The following TMEM135 variants were observed in gnomAD, a reference collection of about 807,000 sequenced individuals.
The protein encoded by TMEM135 is transmembrane protein 135, also known as peroxisomal membrane protein 52.
In TMEM135, 30 loss-of-function variants were observed where a neutral mutation model predicts 60.3. That is an observed-to-expected ratio of 0.50 (90% CI 0.37 to 0.68). The LOEUF (loss-of-function observed/expected upper bound fraction) is 0.68. TMEM135 is among the 30% of genes least tolerant of loss of function. TMEM135 has a pLI of 0.00. For missense variants in TMEM135, 468 were observed against 548.8 expected (o/e 0.85, Z 1.47); for synonymous variants, 190 against 186.7 (o/e 1.02, Z -0.14).
At chr11:87,128,836 A>T (rs533730622) in intron 4 of TMEM135, among the ~76,000 whole-genome samples, 1 of 152,300 alleles carries the variant, frequency 6.6e-6, no homozygotes, top group South Asian at 2.1e-4. Context: ...ATGAAAACTC[A>T]ATTCAACTCG....
intron 2 of TMEM135, among the ~76,000 whole-genome samples, chr11:87,070,706 T>C (rs1856759611): frequency 1.3e-5 from 2 of 152,158 alleles, no homozygotes; most frequent in Admixed American, 1.3e-4. Context: ...TTGTCATTTG[T>C]CATTTATGAG....
intron 5 of TMEM135, among the ~76,000 whole-genome samples, chr11:87,227,007 C>A (rs1432991340): frequency 6.6e-6 from 1 of 151,976 alleles, no homozygotes; most frequent in East Asian, 1.9e-4. Flanking sequence ...TGAGATTGCC[C>A]CAGTGTACTC....
At chr11:87,124,968 A>G (rs1330079587) in intron 4 of TMEM135, among the ~76,000 whole-genome samples, 1 of 152,132 alleles carries the variant, frequency 6.6e-6, no homozygotes, top group African/African-American at 2.4e-5. Flanking sequence ...TTTAGTTGCT[A>G]CTTCTCTTAC....
At chr11:87,186,866 A>G (rs1490978223) in intron 5 of TMEM135, among the ~76,000 whole-genome samples, 1 of 152,202 alleles carries the variant, frequency 6.6e-6, no homozygotes, top group Non-Finnish European at 1.5e-5. Context: ...AATGAGCAGA[A>G]AGTGATTTTG....
intron 6 of TMEM135, among the ~76,000 whole-genome samples, chr11:87,289,520 G>C (rs563598768): frequency 7.2e-6 from 1 of 138,070 alleles, no homozygotes; most frequent in Non-Finnish European, 1.5e-5. Flanking sequence ...GCAGTGGTGC[G>C]ATCTCAGCTC....
At chr11:87,160,598 T>A (rs1347337321) in intron 5 of TMEM135, among the ~76,000 whole-genome samples, 1 of 152,190 alleles carries the variant, frequency 6.6e-6, no homozygotes, top group African/African-American at 2.4e-5. Context: ...GACTAGAGTT[T>A]CCTAATTTTT....
intron 4 of TMEM135, among the ~76,000 whole-genome samples, chr11:87,105,044 GC>G (rs1237458995): frequency 3.9e-5 from 6 of 152,176 alleles, no homozygotes; most frequent in Non-Finnish European, 8.8e-5. Context: ...TATGATGTTA[GC>G]CGTGGGCTTG....
intron 3 of TMEM135, among the ~76,000 whole-genome samples, chr11:87,073,132 T>G (rs1856802566): frequency 6.6e-6 from 1 of 152,188 alleles, no homozygotes; most frequent in Non-Finnish European, 1.5e-5. Context: ...TACTCCCTGG[T>G]TAAGCAATTC....
chr11:87,129,827 C>T (rs541676850), intron 4 of TMEM135, among the ~76,000 whole-genome samples: 5 of 152,236 alleles, frequency 3.3e-5, no homozygotes, highest in South Asian at 2.1e-4. Context: ...AGGCGTGAGC[C>T]ATTGCGCTCG....
At chr11:87,081,778 T>G (rs1466193758) in intron 3 of TMEM135, among the ~76,000 whole-genome samples, 1 of 152,046 alleles carries the variant, frequency 6.6e-6, no homozygotes, top group Non-Finnish European at 1.5e-5. Flanking sequence ...TCAAAGAAAA[T>G]TTTTAGGTAT....
At position 87,118,694 on chromosome 11, in the gene TMEM135, G is replaced by T. The variant is rs1046777651; in HGVS notation, c.396+27299G>T. ...CCTGACCTCATGATCCGCCCATCGT[G>T]ACCTCCCAAAGTGCTGGGATTACAG... On this transcript the variant is annotated intron_variant, in intron 4 of 14. Transcript: ENST00000305494. Among the ~76,000 whole-genome samples the T allele has an allele frequency of 8.5e-5, 13 of 152,234 alleles. No individual in the cohort carries two copies. In the South Asian group the frequency reaches 1.9e-3, roughly 22 times the overall value.
chr11:87,186,883 AAG>A lies in TMEM135; in HGVS notation c.462+29482_462+29483del, dbSNP rs961864683. Among the ~76,000 whole-genome samples, 10 of 152,316 alleles carry A rather than the reference AAG, an allele frequency of 6.6e-5. No homozygotes were observed. The South Asian group carries it at 8.3e-4, about 13-fold the overall frequency. Reference sequence around the variant, plus strand: ...TGAGCAGAAAGTGATTTTGTAAAACAAGAGAGGGGAAATATTAAGGATAATAA... The same window carrying A: ...TGAGCAGAAAGTGATTTTGTAAAACAAGAGGGGAAATATTAAGGATAATAA... On this transcript the variant is annotated intron_variant, in intron 5 of 14. Coordinates refer to ENST00000305494, the MANE Select transcript of TMEM135 (RefSeq NM_022918.4).
rs1253905496 is a variant in TMEM135, at chr11:87,209,479, A to G, written c.463-27159A>G. ...GGCATTGCATAATGATAAAGAGCTC[A>G]ATCTAACAAGAAAACCTAACTATCT... On this transcript the variant is annotated intron_variant, in intron 5 of 14. Transcript: ENST00000305494. Among the ~76,000 whole-genome samples the G allele has an allele frequency of 2.0e-5, 3 of 152,246 alleles. No individual in the cohort carries two copies. In the East Asian group the frequency reaches 5.8e-4, roughly 29 times the overall value.
intron 5 of TMEM135, among the ~76,000 whole-genome samples, chr11:87,220,626 C>T (rs981816321): frequency 6.6e-6 from 1 of 152,124 alleles, no homozygotes; most frequent in African/African-American, 2.4e-5. Context: ...GGTATTTAGA[C>T]ATCGTGTTTT....
At chr11:87,206,371 C>G (rs1040260984) in intron 5 of TMEM135, among the ~76,000 whole-genome samples, 1 of 152,094 alleles carries the variant, frequency 6.6e-6, no homozygotes, top group African/African-American at 2.4e-5. Flanking sequence ...TATTTCATCT[C>G]AAATTATTCC....
At chr11:87,320,295 T>A (rs1370611393) in intron 14 of TMEM135, among the ~76,000 whole-genome samples, 1 of 152,184 alleles carries the variant, frequency 6.6e-6, no homozygotes, top group Non-Finnish European at 1.5e-5. Flanking sequence ...ATGAAGGAGC[T>A]GGAACATAAA....
intron 6 of TMEM135, among the ~76,000 whole-genome samples, chr11:87,250,474 G>C (rs1248586058): frequency 6.6e-6 from 1 of 151,684 alleles, no homozygotes; most frequent in Non-Finnish European, 1.5e-5. Context: ...ATTTTGGTTT[G>C]TTGTGTTTCC....
rs763568392 is a variant in TMEM135 at position 87,305,894 on chromosome 11, CTTTAA to C, written c.699-39_699-35del. 5 of 1,508,262 alleles carry C rather than the reference CTTTAA, an allele frequency of 3.3e-6. No homozygotes were observed. The African/African-American group carries it at 6.9e-5, about 21-fold the overall frequency. The allele number at this position is 1,508,262 out of a possible 1,614,324, so 93.4% of individuals were successfully genotyped here. On this transcript the variant is annotated intron_variant, in intron 8 of 14. Coordinates refer to ENST00000305494, the MANE Select transcript of TMEM135 (RefSeq NM_022918.4). Reference sequence around the variant, plus strand: ...ATGTACAAACACATGGATATACACACTTTAATTATAATTAGTTTAATTTTTTTGGG... The same window carrying C: ...ATGTACAAACACATGGATATACACACTTATAATTAGTTTAATTTTTTTGGG...
chr11:87,055,134 C>G (rs1394717778), intron 1 of TMEM135, among the ~76,000 whole-genome samples: 1 of 152,078 alleles, frequency 6.6e-6, no homozygotes, highest in African/African-American at 2.4e-5. Flanking sequence ...CAAGAGGATC[C>G]ATTCTAGTGT....
Sources: gnomAD v4.1 joint callset for allele counts (sites outside exome capture counted in the v4.1 genomes callset) on GRCh38, gnomAD v4.1.1 for gene constraint, MANE v1.5 for transcripts, NCBI Gene and HGNC (gene_info 2026-07-23, HGNC 2026-07-21) for gene names.